The following SRP54 variants were observed in gnomAD, a reference collection of about 807,000 sequenced individuals.
SRP54 encodes signal recognition particle subunit SRP54.
SRP54 carries 10 observed loss-of-function variants against 64.8 expected under a neutral mutation model. The observed-to-expected ratio is 0.15, with a 90% CI of 0.10 to 0.26. SRP54 has a LOEUF of 0.26. Ranked by LOEUF, SRP54 falls within the 10% of genes least tolerant of loss-of-function variation. The probability of loss-of-function intolerance (pLI) is 1.00; values close to 1 mark genes in which losing one functional copy is unlikely to be tolerated. For synonymous variants in SRP54, 193 were observed against 185.6 expected (o/e 1.04, Z -0.32); for missense variants, 325 against 613.7 (o/e 0.53, Z 4.97).
chr14:34,992,057 AGAGTAGCTGG>A (rs1193558157), intron 1 of SRP54, among the ~76,000 whole-genome samples: 1 of 151,962 alleles, frequency 6.6e-6, no homozygotes, highest in African/African-American at 2.4e-5. Flanking sequence ...CTCAGTCTCC[AGAGTAGCTGG>A]GATTACAGGC....
At position 35,010,237 on chromosome 14, in the gene SRP54, C is replaced by T. The variant is rs545962275; in HGVS notation, c.486-1272C>T. Among the ~76,000 whole-genome samples the T allele has an allele frequency of 8.6e-5, 13 of 152,032 alleles. No individual in the cohort carries two copies. In the South Asian group the frequency reaches 2.3e-3, roughly 27 times the overall value. On this transcript the variant is annotated intron_variant, in intron 7 of 15. Transcript: ENST00000216774. ...CTTAGGCGGGTGGATCACCTGAGGT[C>T]GGGAGTTCAAGACCAGCCTGACCAA...
chr14:35,011,239 A>G (rs1421333161), intron 7 of SRP54, among the ~76,000 whole-genome samples: 1 of 152,252 alleles, frequency 6.6e-6, no homozygotes, highest in African/African-American at 2.4e-5. Context: ...ATTAAAGAAG[A>G]TATAAAAAAT....
At chr14:35,008,303 G>T (rs1201834816) in intron 5 of SRP54, among the ~76,000 whole-genome samples, 4 of 152,166 alleles carry the variant, frequency 2.6e-5, no homozygotes, top group Non-Finnish European at 1.5e-5. Flanking sequence ...GTATGTTACA[G>T]TTTGAGAGGG....
Position 34,999,477 on chromosome 14 carries a change from T to A in SRP54, c.79-81T>A, listed in dbSNP as rs562761496. ...GTGTGGTATTACTAAGCTGTGGTTA[T>A]GTAAGTGATCAACAATTGTTTTTAT... On this transcript the variant is annotated intron_variant, in intron 2 of 15. Coordinates refer to ENST00000216774, the MANE Select transcript of SRP54 (RefSeq NM_003136.4). 22 of 980,782 alleles carry A rather than the reference T, an allele frequency of 2.2e-5. 1 individual carries two copies. Among genetic ancestry groups the A allele is most frequent in the Middle Eastern group, 3.1e-4 (1 of 3,272 alleles). 60.8% of individuals were successfully genotyped at this position (980,782 alleles called of 1,614,324 possible).
At chr14:34,983,499 A>T (rs2043841404) in intron 1 of SRP54, among the ~76,000 whole-genome samples, 1 of 152,238 alleles carries the variant, frequency 6.6e-6, no homozygotes. Flanking sequence ...AAGAATTTAG[A>T]TGAAGCTACT....
intron 1 of SRP54, among the ~76,000 whole-genome samples, chr14:34,993,664 C>T (rs799496): frequency 0.2 from 30,699 of 151,932 alleles, 3,696 homozygotes; most frequent in Non-Finnish European, 0.28. Flanking sequence ...TCAGCTATTT[C>T]ATCTTCCTGT....
At chr14:34,986,833 T>A (rs1014919731) in intron 1 of SRP54, among the ~76,000 whole-genome samples, 1 of 148,874 alleles carries the variant, frequency 6.7e-6, no homozygotes, top group East Asian at 2.0e-4. Flanking sequence ...GAGCCGAGAT[T>A]GTGCCACTGC....
At chr14:35,011,938 G>C (rs887598098) in intron 8 of SRP54, among the ~76,000 whole-genome samples, 15 of 152,018 alleles carry the variant, frequency 9.9e-5, no homozygotes, top group Admixed American at 2.0e-4. Context: ...TAGTAATTAG[G>C]CCGGGTATGG....
intron 10 of SRP54, among the ~76,000 whole-genome samples, chr14:35,014,151 ATAGT>A (rs1333879315): frequency 1.3e-5 from 2 of 152,130 alleles, no homozygotes; most frequent in Non-Finnish European, 2.9e-5. Flanking sequence ...GGTTTTAATA[ATAGT>A]GGATGTAAGG....
intron 1 of SRP54, among the ~76,000 whole-genome samples, chr14:34,983,420 T>G (rs765407705): frequency 5.3e-5 from 8 of 152,230 alleles, no homozygotes; most frequent in South Asian, 4.1e-4. Flanking sequence ...TGAGTTGTCT[T>G]CCGATTTACC....
At chr14:35,014,288 T>TA (rs2044403332) in intron 10 of SRP54, among the ~76,000 whole-genome samples, 1 of 126,678 alleles carries the variant, frequency 7.9e-6, no homozygotes, top group African/African-American at 2.8e-5. Flanking sequence ...TTTTTTTTTT[T>TA]TTTTTTGAGA....
At chr14:34,988,588 TATATATAAC>T (rs1299183873) in intron 1 of SRP54, among the ~76,000 whole-genome samples, 1 of 119,892 alleles carries the variant, frequency 8.3e-6, no homozygotes, top group South Asian at 2.5e-4. Context: ...AATATATATA[TATATATAAC>T]ATATATATAT....
At chr14:35,019,391 GT>G in intron 13 of SRP54, 1 of 191,482 alleles carries the variant, frequency 5.2e-6, no homozygotes, top group South Asian at 1.0e-4. Flanking sequence ...TTTTTAAAGA[GT>G]TAAATTTGGC....
At chr14:34,995,510 G>T (rs1459336449) in intron 1 of SRP54, among the ~76,000 whole-genome samples, 1 of 152,116 alleles carries the variant, frequency 6.6e-6, no homozygotes, top group Non-Finnish European at 1.5e-5. Context: ...TGTGTGCCTT[G>T]TCTTACCAGC....
intron 10 of SRP54, 149 bp downstream of exon 10, chr14:35,014,051 G>C: frequency 1.6e-6 from 1 of 614,128 alleles, no homozygotes; most frequent in Non-Finnish European, 2.8e-6. Context: ...AGAGATAATG[G>C]TTATCTGCCC....
chr14:35,001,506 T>G (rs1036899317), intron 4 of SRP54, among the ~76,000 whole-genome samples: 4 of 152,156 alleles, frequency 2.6e-5, no homozygotes, highest in Non-Finnish European at 4.4e-5. Context: ...AGTGCAGATA[T>G]GAAAGCTAGT....
At chr14:34,991,440 T>G (rs1160070810) in intron 1 of SRP54, among the ~76,000 whole-genome samples, 2 of 151,952 alleles carry the variant, frequency 1.3e-5, no homozygotes, top group East Asian at 3.9e-4. Context: ...ACAGCTTACA[T>G]TTCAATAGTG....
At chr14:34,994,906 C>A (rs2044041163) in intron 1 of SRP54, among the ~76,000 whole-genome samples, 2 of 148,104 alleles carry the variant, frequency 1.4e-5, no homozygotes, top group African/African-American at 2.5e-5. Flanking sequence ...GCTGGGACTA[C>A]AGGCACATGC....
intron 11 of SRP54, 180 bp from the exon 12 acceptor site, chr14:35,018,512 A>T (rs1417692907): frequency 1.8e-6 from 1 of 571,108 alleles, no homozygotes; most frequent in East Asian, 3.0e-5. Context: ...GTCTTTGTCT[A>T]TGTATTCTCC....
Sources: gnomAD v4.1 joint callset for allele counts (sites outside exome capture counted in the v4.1 genomes callset) on GRCh38, gnomAD v4.1.1 for gene constraint, MANE v1.5 for transcripts, NCBI Gene and HGNC (gene_info 2026-07-23, HGNC 2026-07-21) for gene names.